The following GK5 variants were observed in gnomAD, a reference collection of about 807,000 sequenced individuals.
GK5 encodes the protein ATP:glycerol 3-phosphotransferase 5.
Under a neutral mutation model 77.3 loss-of-function variants are expected in GK5, and 39 were observed. The observed-to-expected ratio is 0.50, with a 90% CI of 0.39 to 0.66. The LOEUF (loss-of-function observed/expected upper bound fraction) is 0.66, where lower values mean the gene tolerates loss of function less well. GK5 is among the 30% of genes least tolerant of loss of function. GK5 has a pLI of 0.00. For missense variants in GK5, 487 were observed against 633.8 expected (o/e 0.77, Z 2.49); for synonymous variants, 211 against 208.0 (o/e 1.01, Z -0.13).
intron 5 of GK5, among the ~76,000 whole-genome samples, chr3:142,188,124 C>A (rs1287394289): frequency 6.6e-6 from 1 of 151,920 alleles, no homozygotes; most frequent in Non-Finnish European, 1.5e-5. Context: ...CGGCTGGGTG[C>A]GTTGGCTCAC....
chr3:142,175,947 A>G (rs1030717735), intron 12 of GK5, among the ~76,000 whole-genome samples: 2 of 151,444 alleles, frequency 1.3e-5, no homozygotes, highest in African/African-American at 2.4e-5. Flanking sequence ...CCTGTAGCAC[A>G]TTTTTCAGAG....
chr3:142,223,697 G>A (rs958243839), intron 1 of GK5, among the ~76,000 whole-genome samples: 1 of 152,222 alleles, frequency 6.6e-6, no homozygotes, highest in Non-Finnish European at 1.5e-5. Context: ...AATTAGCCAG[G>A]CATGATGGCG....
At chr3:142,219,586 C>T (rs2064315691) in intron 1 of GK5, among the ~76,000 whole-genome samples, 1 of 152,104 alleles carries the variant, frequency 6.6e-6, no homozygotes, top group Admixed American at 6.6e-5. Flanking sequence ...GATGTGACTA[C>T]AATAAAGTAA....
intron 15 of GK5, among the ~76,000 whole-genome samples, chr3:142,166,968 A>G (rs908339163): frequency 5.3e-5 from 8 of 152,206 alleles, no homozygotes; most frequent in African/African-American, 1.9e-4. Flanking sequence ...ATCTTCATGA[A>G]GTACATTTTT....
chr3:142,210,688 T>G (rs2064178430), intron 3 of GK5, among the ~76,000 whole-genome samples: 1 of 152,224 alleles, frequency 6.6e-6, no homozygotes, highest in African/African-American at 2.4e-5. Flanking sequence ...GGAAGAAGTC[T>G]TATCCCTCTA....
intron 3 of GK5, among the ~76,000 whole-genome samples, chr3:142,209,903 G>A (rs1325197585): frequency 6.6e-6 from 1 of 151,814 alleles, no homozygotes; most frequent in Non-Finnish European, 1.5e-5. Context: ...AAGTTAGCTG[G>A]CAGAAATCTC....
chr3:142,168,050 G>A (rs2108779126), intron 15 of GK5, among the ~76,000 whole-genome samples: 1 of 150,662 alleles, frequency 6.6e-6, no homozygotes, highest in African/African-American at 2.5e-5. Flanking sequence ...CAAAAACCCT[G>A]CATGTGTTTG....
Position 142,157,786 on chromosome 3 carries a change from G to A in GK5, c.*7836C>T, listed in dbSNP as rs369620736. ...TCCCACTTCTCTAGTAATTTCCATC[G>A]TGCAAGAATGTAGAATATAGACTAA... On this transcript the variant is annotated 3_prime_UTR_variant, in exon 16 of 16. Transcript: ENST00000392993. 1.5e-4 allele frequency: 23 copies of A among 151,804 alleles called. No homozygotes were observed. Among genetic ancestry groups the A allele is most frequent in the African/African-American group, 3.4e-4 (14 of 41,294 alleles). 9.4% of individuals were successfully genotyped at this position (151,804 alleles called of 1,614,324 possible).
intron 5 of GK5, among the ~76,000 whole-genome samples, chr3:142,194,554 T>C (rs2063904981): frequency 6.7e-6 from 1 of 150,344 alleles, no homozygotes; most frequent in Admixed American, 6.6e-5. Context: ...TAACTGGGCA[T>C]GGTGGTGTGC....
intron 5 of GK5, among the ~76,000 whole-genome samples, chr3:142,192,326 C>T (rs1263279154): frequency 6.6e-6 from 1 of 152,146 alleles, no homozygotes; most frequent in African/African-American, 2.4e-5. Context: ...TAAATGCAGT[C>T]TTACCATATG....
chr3:142,196,728 T>C (rs1002224423), intron 5 of GK5, among the ~76,000 whole-genome samples: 6 of 152,194 alleles, frequency 3.9e-5, no homozygotes, highest in Non-Finnish European at 8.8e-5. Flanking sequence ...TAGTATGGCC[T>C]AGCCTATGAT....
At chr3:142,187,552 C>CT (rs2063788919) in intron 6 of GK5, 152 bp downstream of exon 6, 1 of 625,386 alleles carries the variant, frequency 1.6e-6, no homozygotes, top group East Asian at 2.8e-5. Context: ...CTGCAGTGAG[C>CT]CATGATTACA....
chr3:142,173,741 T>A (rs1308917901), intron 12 of GK5, among the ~76,000 whole-genome samples: 4 of 151,962 alleles, frequency 2.6e-5, no homozygotes, highest in Admixed American at 2.6e-4. Flanking sequence ...AGATCCCTGC[T>A]GGAGCTTGCA....
intron 12 of GK5, 24 bp from the exon 13 acceptor site, chr3:142,172,480 ATAT>A (rs1434424422): frequency 4.8e-6 from 6 of 1,260,466 alleles, no homozygotes; most frequent in Middle Eastern, 1.9e-4. Context: ...TAACAAGAAT[ATAT>A]TATTATTATT....
chr3:142,203,439 A>G (rs2107790641), intron 4 of GK5, among the ~76,000 whole-genome samples: 1 of 152,340 alleles, frequency 6.6e-6, no homozygotes, highest in Admixed American at 6.5e-5. Flanking sequence ...CCAGTACACT[A>G]GCAGAGAAGG....
chr3:142,171,681 T>A (rs971600934), intron 13 of GK5, among the ~76,000 whole-genome samples: 9 of 152,188 alleles, frequency 5.9e-5, no homozygotes, highest in Non-Finnish European at 8.8e-5. Context: ...CAGGTCCTTG[T>A]GTTTTTTTTG....
chr3:142,208,269 G>GA (rs2064140156), intron 3 of GK5, among the ~76,000 whole-genome samples: 1 of 152,032 alleles, frequency 6.6e-6, no homozygotes, highest in Non-Finnish European at 1.5e-5. Context: ...ATAAACAAAT[G>GA]AAAAAATAAA....
intron 5 of GK5, 88 bp from the exon 6 acceptor site, chr3:142,187,867 C>A: frequency 2.3e-6 from 2 of 881,724 alleles, no homozygotes; most frequent in East Asian, 2.5e-5. Context: ...CAATATAAAC[C>A]CATTTTTATA....
chr3:142,171,398 T>C, intron 14 of GK5, 21 bp downstream of exon 14: 1 of 1,469,362 alleles, frequency 6.8e-7, no homozygotes, highest in East Asian at 2.6e-5. Flanking sequence ...ATTAAGTCTA[T>C]TAGAAATAAA....
Sources: allele counts gnomAD v4.1 joint callset (sites outside exome capture counted in the v4.1 genomes callset), GRCh38; gene constraint gnomAD v4.1.1; transcripts MANE v1.5; gene names NCBI Gene and HGNC (gene_info 2026-07-23, HGNC 2026-07-21).